IRGM: variants seen among roughly 807,000 people sequenced by gnomAD.
IRGM encodes the protein immunity related GTPase M.
For missense variants in IRGM, 288 were observed against 219.9 expected (o/e 1.31, Z -1.96); for synonymous variants, 98 against 80.6 (o/e 1.22, Z -1.16).
intron 3 of IRGM, chr5:150,895,272 T>C (rs1754713586): frequency 1.1e-5 from 6 of 539,930 alleles, no homozygotes; most frequent in Non-Finnish European, 1.9e-5. Context: ...CCATCATCTT[T>C]GCTGGAAAAG....
At chr5:150,882,176 G>C (rs1754455122) in intron 3 of IRGM, among the ~76,000 whole-genome samples, 1 of 150,828 alleles carries the variant, frequency 6.6e-6, no homozygotes, top group African/African-American at 2.4e-5. Flanking sequence ...CCATGATCAT[G>C]ACACTGAACT....
chr5:150,852,538 A>G (rs1753991433), downstream of IRGM, among the ~76,000 whole-genome samples: 1 of 152,112 alleles, frequency 6.6e-6, no homozygotes, highest in Admixed American at 6.5e-5. Flanking sequence ...TTCTTATTTC[A>G]TGAAATTAGG....
chr5:150,848,611 TGCAGA>T lies in IRGM; in HGVS notation c.489_493del (p.Ile165ArgfsTer14). On this transcript the variant is annotated frameshift_variant, in exon 2 of 2. Coordinates refer to ENST00000522154, the MANE Select transcript of IRGM (RefSeq NM_001145805.2). LOFTEE classifies it low-confidence loss of function (END_TRUNC). The stretch of plus-strand genomic sequence containing the variant: ...GGTGCCCTCCCAGAAGTGCAGCTAC[TGCAGA>T]TCAGAGAAAATGTCCTGGAAAATCT... 4 of 1,549,850 alleles carry T rather than the reference TGCAGA, an allele frequency of 2.6e-6. No homozygotes were observed. Among genetic ancestry groups the T allele is most frequent in the Non-Finnish European group, 3.5e-6 (4 of 1,145,460 alleles).
intron 1 of IRGM, among the ~76,000 whole-genome samples, chr5:150,859,067 C>G (rs1581642135): frequency 6.6e-6 from 1 of 152,128 alleles, no homozygotes; most frequent in East Asian, 1.9e-4. Flanking sequence ...GTGGATTTGT[C>G]ATAGGTAGCT....
intron 3 of IRGM, among the ~76,000 whole-genome samples, chr5:150,899,287 G>A: frequency 6.6e-6 from 1 of 151,754 alleles, no homozygotes; most frequent in Admixed American, 6.6e-5. Flanking sequence ...CTGGGAAAAA[G>A]AATAGATTCT....
At chr5:150,885,191 C>T (rs111793005) in intron 3 of IRGM, among the ~76,000 whole-genome samples, 1 of 151,700 alleles carries the variant, frequency 6.6e-6, no homozygotes, top group Non-Finnish European at 1.5e-5. Flanking sequence ...TTTCCCATTG[C>T]TTTTGTCAGC....
At position 150,895,451 on chromosome 5, in the gene IRGM, C is replaced by G. The variant is rs139710646; in HGVS notation, c.*141-5138C>G. 281 of 1,608,834 alleles carry G rather than the reference C, an allele frequency of 1.7e-4. 1 individual carries two copies. Among genetic ancestry groups the G allele is most frequent in the Non-Finnish European group, 2.3e-4 (266 of 1,176,814 alleles). ...ATGATTTTACCACTGTGTGAATTCT[C>G]TGGTGTACAGTTAGTTGTGACTTCT... On this transcript the variant is annotated intron_variant and NMD_transcript_variant, in intron 3 of 3. Transcript: ENST00000520549.
At chr5:150,880,302 C>T (rs1395837916) in intron 3 of IRGM, among the ~76,000 whole-genome samples, 1 of 152,048 alleles carries the variant, frequency 6.6e-6, no homozygotes, top group Non-Finnish European at 1.5e-5. Flanking sequence ...TTCCTTGTTT[C>T]GTTCATTTAA....
intron 1 of IRGM, 173 bp from the exon 2 acceptor site, chr5:150,847,536 C>G (rs912317588): frequency 6.5e-6 from 1 of 152,838 alleles, no homozygotes; most frequent in East Asian, 1.9e-4. Context: ...CCTCAGGGAC[C>G]CTACCTTTCT....
At chr5:150,878,099 G>A (rs1457289871) in exon 2 of IRGM, 2 of 458,354 alleles carry the variant, frequency 4.4e-6, no homozygotes, top group Non-Finnish European at 8.7e-6. Flanking sequence ...CCTAGAAATA[G>A]CAAGGCCCAG....
chr5:150,869,286 G>A (rs1490554173), intron 1 of IRGM, among the ~76,000 whole-genome samples: 2 of 152,108 alleles, frequency 1.3e-5, no homozygotes, highest in African/African-American at 2.4e-5. Context: ...CACATTTATT[G>A]ACTTGCATAT....
chr5:150,848,402 C>A lies in IRGM; in HGVS notation c.279C>A (p.Gly93=). Residue 93 remains glycine (G), a synonymous_variant, in exon 2 of 2, where the codon GGC becomes GGA. Coordinates refer to ENST00000522154, the MANE Select transcript of IRGM (RefSeq NM_001145805.2). The part of the protein sequence containing the change: ...FSNVVLWDLP[G]TGSATTTLEN... ...ATGTGGTGTTGTGGGACCTGCCTGG[C>A]ACAGGGTCTGCCACCACAACCCTGG... The A allele has an allele frequency of 3.2e-6, 5 of 1,551,854 alleles. No homozygotes were observed. The highest frequency in any genetic ancestry group is 4.4e-6 in the Non-Finnish European group (5 of 1,146,994).
chr5:150,855,461 A>G (rs563541193), intron 1 of IRGM, among the ~76,000 whole-genome samples: 2 of 152,326 alleles, frequency 1.3e-5, no homozygotes, highest in Admixed American at 1.3e-4. Context: ...GTTGGCCACC[A>G]GAGAAGTGAC....
chr5:150,862,713 G>A (rs1339785927), intron 1 of IRGM, among the ~76,000 whole-genome samples: 2 of 152,188 alleles, frequency 1.3e-5, no homozygotes, highest in African/African-American at 4.8e-5. Context: ...TGAGATTATA[G>A]GAAGGTTTTT....
In IRGM at chr5:150,848,298, G is replaced by A. The variant is rs759212417; in HGVS notation, c.175G>A (p.Glu59Lys). The A allele has an allele frequency of 5.2e-6, 8 of 1,551,728 alleles. No individual in the cohort carries two copies. Among genetic ancestry groups the A allele is most frequent in the Non-Finnish European group, 7.0e-6 (8 of 1,146,988 alleles). ...CAGTGCCCTTCGAAACACAGGACAT[G>A]AGGGTAAGGCCTCACCTCCTACTGA... is the stretch of plus-strand genomic sequence containing the variant. ...FISALRNTGH[E>K]GKASPPTELV... The change falls in exon 2 of 2, where the codon GAG becomes AAG. Residue 59 changes from glutamate (E) to lysine (K), a missense_variant. Coordinates refer to ENST00000522154, the MANE Select transcript of IRGM (RefSeq NM_001145805.2).
intron 3 of IRGM, among the ~76,000 whole-genome samples, chr5:150,889,347 T>G (rs1175723050): frequency 6.6e-6 from 1 of 151,792 alleles, no homozygotes; most frequent in Non-Finnish European, 1.5e-5. Flanking sequence ...GCAGGGAAAC[T>G]CCCCCTTTAT....
chr5:150,896,422 T>C, intron 3 of IRGM: 2 of 1,613,688 alleles, frequency 1.2e-6, no homozygotes, highest in Non-Finnish European at 1.7e-6. Flanking sequence ...TTTCCACATG[T>C]AACACATACA....
At chr5:150,871,518 C>A (rs7707064) in intron 1 of IRGM, among the ~76,000 whole-genome samples, 25,084 of 152,142 alleles carry the variant, frequency 0.16, 2,917 homozygotes, top group East Asian at 0.43. Flanking sequence ...GCACCCTCTG[C>A]TGCATGAGGG....
intron 3 of IRGM, among the ~76,000 whole-genome samples, chr5:150,889,620 T>C (rs1016808530): frequency 6.6e-6 from 1 of 152,074 alleles, no homozygotes; most frequent in Non-Finnish European, 1.5e-5. Flanking sequence ...TCCAGTATAT[T>C]GATCACTAGA....
Sources: allele counts gnomAD v4.1 joint callset (sites outside exome capture counted in the v4.1 genomes callset), GRCh38; gene constraint gnomAD v4.1.1; transcripts MANE v1.5; gene names NCBI Gene and HGNC (gene_info 2026-07-23, HGNC 2026-07-21).